Variants in DACH1 observed in about 807,000 individuals in gnomAD.
The protein encoded by DACH1 is dachshund homolog 1.
DACH1 carries 12 observed loss-of-function variants against 54.2 expected under a neutral mutation model. The ratio of observed to expected loss-of-function variants is 0.22; its 90% CI spans 0.14 to 0.36. DACH1 has a LOEUF of 0.36. Ranked by LOEUF, DACH1 falls within the 10% of genes least tolerant of loss-of-function variation. The pLI is 1.00. For missense variants in DACH1, 805 were observed against 929.8 expected (o/e 0.87, Z 1.75); for synonymous variants, 386 against 366.2 (o/e 1.05, Z -0.62).
intron 1 of DACH1, among the ~76,000 whole-genome samples, chr13:71,840,240 G>T (rs1398562884): frequency 6.6e-6 from 1 of 152,078 alleles, no homozygotes; most frequent in Non-Finnish European, 1.5e-5. Context: ...GAGCCACCAC[G>T]CTGGGTCTAC....
At chr13:71,613,425 T>C (rs1219301818) in intron 3 of DACH1, among the ~76,000 whole-genome samples, 1 of 152,158 alleles carries the variant, frequency 6.6e-6, no homozygotes, top group Non-Finnish European at 1.5e-5. Flanking sequence ...CATTGAAAGA[T>C]TTTTTAAAAG....
At chr13:71,529,511 T>C (rs1428203738) in intron 6 of DACH1, among the ~76,000 whole-genome samples, 1 of 152,142 alleles carries the variant, frequency 6.6e-6, no homozygotes. Context: ...GGTCTATATT[T>C]ATACAAATCG....
At chr13:71,649,983 C>T (rs1594044954) in intron 2 of DACH1, among the ~76,000 whole-genome samples, 1 of 152,266 alleles carries the variant, frequency 6.6e-6, no homozygotes, top group African/African-American at 2.4e-5. Flanking sequence ...AGCTAGAATC[C>T]TCGTCTTTCC....
chr13:71,576,820 C>CT (rs1384027911), intron 3 of DACH1, among the ~76,000 whole-genome samples: 1 of 152,072 alleles, frequency 6.6e-6, no homozygotes, highest in Non-Finnish European at 1.5e-5. Flanking sequence ...GTCTAGGTAT[C>CT]TAGAAGACAG....
chr13:71,630,750 A>G (rs770550611), intron 2 of DACH1, 33 bp from the exon 3 acceptor site: 1 of 1,522,466 alleles, frequency 6.6e-7, no homozygotes, highest in Non-Finnish European at 8.7e-7. Context: ...GAGGTAATTC[A>G]AATTCTGATT....
chr13:71,463,735 T>G (rs1054148152), intron 10 of DACH1, among the ~76,000 whole-genome samples: 13 of 151,986 alleles, frequency 8.6e-5, no homozygotes, highest in Admixed American at 7.2e-4. Flanking sequence ...ATGATGTTCT[T>G]TTTTGGTAAT....
rs139999252 is a variant in DACH1 at position 71,443,441 on chromosome 13, T to C, written c.2084-2749A>G. On this transcript the variant is annotated intron_variant, in intron 10 of 10. Coordinates refer to ENST00000613252, the MANE Select transcript of DACH1 (RefSeq NM_080759.6). Reference sequence around the variant, plus strand: ...AGACCCCATCTCTATTAAAAAATAATAGTTATAAATGAAAAAATAAAAAAG... The same window carrying C: ...AGACCCCATCTCTATTAAAAAATAACAGTTATAAATGAAAAAATAAAAAAG... Among the ~76,000 whole-genome samples the C allele has an allele frequency of 6.3e-3, 953 of 151,938 alleles. 13 individuals are homozygous for C. Among genetic ancestry groups the C allele is most frequent in the African/African-American group, 0.021 (884 of 41,428 alleles).
intron 2 of DACH1, among the ~76,000 whole-genome samples, chr13:71,672,115 T>C (rs766794370): frequency 6.6e-6 from 1 of 152,168 alleles, no homozygotes; most frequent in Non-Finnish European, 1.5e-5. Flanking sequence ...ATCTGAAGTG[T>C]AGAGCAAAAT....
chr13:71,506,420 AATG>A (rs1288271749), intron 6 of DACH1, among the ~76,000 whole-genome samples: 1 of 151,220 alleles, frequency 6.6e-6, no homozygotes, highest in Non-Finnish European at 1.5e-5. Flanking sequence ...GTTTACTGAG[AATG>A]ATGATTTCCA....
chr13:71,476,247 GCCTC>G (rs1877511735), intron 8 of DACH1, among the ~76,000 whole-genome samples: 1 of 152,130 alleles, frequency 6.6e-6, no homozygotes, highest in South Asian at 2.1e-4. Flanking sequence ...TTATAAGCAT[GCCTC>G]CTTCCTATTT....
At chr13:71,838,246 T>C (rs1200090433) in intron 1 of DACH1, among the ~76,000 whole-genome samples, 1 of 152,150 alleles carries the variant, frequency 6.6e-6, no homozygotes, top group Non-Finnish European at 1.5e-5. Context: ...AGTTTGCAGA[T>C]GTGGAGTTCA....
chr13:71,560,969 G>A (rs1330002084), intron 4 of DACH1, among the ~76,000 whole-genome samples: 1 of 152,060 alleles, frequency 6.6e-6, no homozygotes, highest in African/African-American at 2.4e-5. Context: ...CCTTATTAGA[G>A]AGAAAATATG....
chr13:71,542,815 C>T (rs542081825), intron 6 of DACH1, among the ~76,000 whole-genome samples: 1 of 152,162 alleles, frequency 6.6e-6, no homozygotes, highest in Admixed American at 6.6e-5. Flanking sequence ...GCCAGTCTAC[C>T]TCTATATAAG....
intron 1 of DACH1, among the ~76,000 whole-genome samples, chr13:71,831,679 T>A (rs1316480172): frequency 6.6e-6 from 1 of 152,014 alleles, no homozygotes; most frequent in Non-Finnish European, 1.5e-5. Context: ...TCCCAAATGT[T>A]CAGTTTAATT....
intron 6 of DACH1, among the ~76,000 whole-genome samples, chr13:71,523,929 C>T (rs1169475452): frequency 6.6e-6 from 1 of 152,200 alleles, no homozygotes; most frequent in East Asian, 1.9e-4. Flanking sequence ...TATGTTACCA[C>T]AGTGCATGTC....
At chr13:71,689,629 T>G (rs1881374656) in intron 1 of DACH1, among the ~76,000 whole-genome samples, 1 of 152,124 alleles carries the variant, frequency 6.6e-6, no homozygotes, top group African/African-American at 2.4e-5. Context: ...TTATTTAATA[T>G]AAAACCTGTT....
At chr13:71,653,897 T>A (rs1016507731) in intron 2 of DACH1, among the ~76,000 whole-genome samples, 1 of 152,140 alleles carries the variant, frequency 6.6e-6, no homozygotes, top group African/African-American at 2.4e-5. Context: ...ACAGAGTAGA[T>A]CTTAAATGTT....
chr13:71,835,409 A>G (rs1888745950), intron 1 of DACH1, among the ~76,000 whole-genome samples: 1 of 152,080 alleles, frequency 6.6e-6, no homozygotes. Context: ...GAAACTCTGT[A>G]ATGCTTATTA....
intron 1 of DACH1, among the ~76,000 whole-genome samples, chr13:71,751,669 G>GT (rs1884933864): frequency 6.6e-6 from 1 of 152,114 alleles, no homozygotes; most frequent in Non-Finnish European, 1.5e-5. Context: ...AGGAGTAAGA[G>GT]TAAATATGAA....
Sources: allele counts gnomAD v4.1 joint callset (sites outside exome capture counted in the v4.1 genomes callset), GRCh38; gene constraint gnomAD v4.1.1; transcripts MANE v1.5; gene names NCBI Gene and HGNC (gene_info 2026-07-23, HGNC 2026-07-21).